ZBTB7C: variants seen among roughly 807,000 people sequenced by gnomAD.
ZBTB7C encodes the protein zinc finger and BTB domain containing 7C.
ZBTB7C carries 8 observed loss-of-function variants against 25.7 expected under a neutral mutation model. That is an observed-to-expected ratio of 0.31 (90% CI 0.18 to 0.56). The LOEUF (loss-of-function observed/expected upper bound fraction) is 0.56. Among genes scored for constraint, ZBTB7C ranks in the 20% least tolerant of loss-of-function variants. The pLI, the probability that ZBTB7C is intolerant of heterozygous loss-of-function variation, is 0.91. For synonymous variants in ZBTB7C, 394 were observed against 369.0 expected (o/e 1.07, Z -0.78); for missense variants, 824 against 855.2 (o/e 0.96, Z 0.46).
chr18:48,041,213 A>G, intron 3 of ZBTB7C, 90 bp from the exon 4 acceptor site: 5 of 1,464,126 alleles, frequency 3.4e-6, no homozygotes, highest in Non-Finnish European at 4.5e-6. Context: ...CCTCCTTGGC[A>G]TAAGGGCTCC....
intron 2 of ZBTB7C, among the ~76,000 whole-genome samples, chr18:48,306,171 T>C (rs2045669379): frequency 6.6e-6 from 1 of 152,220 alleles, no homozygotes; most frequent in Non-Finnish European, 1.5e-5. Context: ...CCCTCTGCTA[T>C]GTAGACACCT....
chr18:48,156,843 C>T (rs778348324), intron 3 of ZBTB7C, among the ~76,000 whole-genome samples: 4 of 150,166 alleles, frequency 2.7e-5, no homozygotes, highest in Non-Finnish European at 4.4e-5. Context: ...TCCCCGAGAG[C>T]GAGTGATGTT....
At chr18:48,175,717 A>G (rs1205617476) in intron 3 of ZBTB7C, among the ~76,000 whole-genome samples, 3 of 152,214 alleles carry the variant, frequency 2.0e-5, no homozygotes, top group African/African-American at 7.2e-5. Context: ...TAGGTGCAAG[A>G]TAAGCCTGGA....
At chr18:48,310,236 A>G (rs929499228) in intron 2 of ZBTB7C, among the ~76,000 whole-genome samples, 4 of 152,064 alleles carry the variant, frequency 2.6e-5, no homozygotes, top group African/African-American at 7.3e-5. Flanking sequence ...CCTCAAAAAA[A>G]AAAAAAATTG....
intron 3 of ZBTB7C, among the ~76,000 whole-genome samples, chr18:48,049,061 T>A (rs945540302): frequency 1.3e-5 from 2 of 152,182 alleles, no homozygotes; most frequent in Non-Finnish European, 2.9e-5. Context: ...TGGGAGTTAT[T>A]TATAGCCTAC....
At position 48,040,703 on chromosome 18, in the gene ZBTB7C, CTCCCCCCCG is replaced by C. The variant is rs1568168290; in HGVS notation, c.396_404del (p.Asp132_Gly134del). The stretch of plus-strand genomic sequence containing the variant: ...CGTCATCGTCCTCCTTGTCATCCTC[CTCCCCCCCG>C]TCCCCCCCAGGCTCCATGATCTCCA... On this transcript the variant is annotated inframe_deletion, in exon 4 of 5. Transcript: ENST00000590800. 2 of 1,613,904 alleles carry C rather than the reference CTCCCCCCCG, an allele frequency of 1.2e-6. No homozygotes were observed. Among genetic ancestry groups the C allele is most frequent in the East Asian group, 4.5e-5 (2 of 44,862 alleles).
At chr18:48,295,592 C>T (rs1568359396) in intron 2 of ZBTB7C, among the ~76,000 whole-genome samples, 1 of 152,076 alleles carries the variant, frequency 6.6e-6, no homozygotes, top group South Asian at 2.1e-4. Context: ...CACAATTGAC[C>T]CACCCGCTGC....
chr18:48,282,319 G>C (rs574961352), intron 2 of ZBTB7C, among the ~76,000 whole-genome samples: 5,622 of 105,934 alleles, frequency 0.053, 205 homozygotes, highest in Middle Eastern at 0.076. Context: ...TGTGGGGTGG[G>C]GGGAGGGGGG....
At chr18:48,337,657 T>C (rs1015075090) in intron 2 of ZBTB7C, among the ~76,000 whole-genome samples, 3 of 152,212 alleles carry the variant, frequency 2.0e-5, no homozygotes, top group African/African-American at 7.2e-5. Context: ...CAAAAAGCCT[T>C]CTGTTTTTAA....
intron 3 of ZBTB7C, chr18:48,083,726 T>TA: frequency 1.5e-6 from 1 of 679,486 alleles, no homozygotes; most frequent in Non-Finnish European, 1.8e-6. Flanking sequence ...TCAGTGCCCT[T>TA]AAAAAAATGA....
intron 3 of ZBTB7C, among the ~76,000 whole-genome samples, chr18:48,057,879 T>C (rs1317116166): frequency 6.6e-6 from 1 of 152,202 alleles, no homozygotes; most frequent in Non-Finnish European, 1.5e-5. Context: ...TCAGGTGCTG[T>C]AGGATTCAAC....
chr18:48,260,715 AG>A (rs2044148147), intron 2 of ZBTB7C, among the ~76,000 whole-genome samples: 1 of 152,180 alleles, frequency 6.6e-6, no homozygotes, highest in Non-Finnish European at 1.5e-5. Flanking sequence ...AAAGTTTTCG[AG>A]TTGGCAAAAC....
Position 48,106,638 on chromosome 18 carries a change from A to G in ZBTB7C, c.-16-65515T>C, listed in dbSNP as rs534872225. Among the ~76,000 whole-genome samples, 19 of 152,298 alleles carry G rather than the reference A, an allele frequency of 1.2e-4. 1 individual carries two copies. Among genetic ancestry groups the G allele is most frequent in the Admixed American group, 1.0e-3 (16 of 15,292 alleles). On this transcript the variant is annotated intron_variant, in intron 3 of 4. Transcript: ENST00000590800. ...GGTTTTATGAGTATCTACAAGTGTC[A>G]AAACCTATCAAACTACACTCTAAAT...
At chr18:48,393,731 G>A (rs1044219687) in intron 1 of ZBTB7C, among the ~76,000 whole-genome samples, 2 of 151,972 alleles carry the variant, frequency 1.3e-5, no homozygotes, top group Admixed American at 6.6e-5. Context: ...CAAAATCTGA[G>A]AGGCACCAAG....
At chr18:48,349,560 G>A (rs1200578034) in intron 1 of ZBTB7C, among the ~76,000 whole-genome samples, 1 of 152,246 alleles carries the variant, frequency 6.6e-6, no homozygotes, top group Non-Finnish European at 1.5e-5. Flanking sequence ...GAGACCCTGA[G>A]TCACCCAATC....
intron 1 of ZBTB7C, among the ~76,000 whole-genome samples, chr18:48,339,033 G>T (rs1235221716): frequency 1.3e-5 from 2 of 152,172 alleles, no homozygotes; most frequent in Non-Finnish European, 2.9e-5. Flanking sequence ...ATGAGGAACA[G>T]AGACACCGGC....
At chr18:48,235,733 AC>A (rs1568321548) in intron 2 of ZBTB7C, among the ~76,000 whole-genome samples, 1 of 151,892 alleles carries the variant, frequency 6.6e-6, no homozygotes, top group Admixed American at 6.6e-5. Flanking sequence ...TTGATACATT[AC>A]CCCCCGCCTC....
chr18:48,117,732 T>C (rs1309387379), intron 3 of ZBTB7C, among the ~76,000 whole-genome samples: 3 of 152,122 alleles, frequency 2.0e-5, no homozygotes, highest in Non-Finnish European at 2.9e-5. Context: ...GGGATGAGCC[T>C]TTATGGTGTC....
chr18:48,400,094 A>T (rs2048123423), intron 1 of ZBTB7C, among the ~76,000 whole-genome samples: 1 of 152,222 alleles, frequency 6.6e-6, no homozygotes, highest in African/African-American at 2.4e-5. Flanking sequence ...GTCACCTTTC[A>T]AAAGTAACAA....
Sources: allele counts gnomAD v4.1 joint callset (sites outside exome capture counted in the v4.1 genomes callset), GRCh38; gene constraint gnomAD v4.1.1; transcripts MANE v1.5; gene names NCBI Gene and HGNC (gene_info 2026-07-23, HGNC 2026-07-21).